CAMK4: variants seen among roughly 807,000 people sequenced by gnomAD.
CAMK4 encodes calcium/calmodulin-dependent protein kinase type IV.
Under a neutral mutation model 44.9 loss-of-function variants are expected in CAMK4, and 22 were observed. The ratio of observed to expected loss-of-function variants is 0.49; its 90% CI spans 0.35 to 0.70. The LOEUF (loss-of-function observed/expected upper bound fraction) is 0.70, where lower values mean the gene tolerates loss of function less well. Among genes scored for constraint, CAMK4 ranks in the 30% least tolerant of loss-of-function variants. CAMK4 has a pLI of 0.01. For synonymous variants in CAMK4, 218 were observed against 215.4 expected (o/e 1.01, Z -0.11); for missense variants, 498 against 586.8 (o/e 0.85, Z 1.56).
intron 1 of CAMK4, among the ~76,000 whole-genome samples, chr5:111,326,784 G>A (rs1748910222): frequency 6.6e-6 from 1 of 151,582 alleles, no homozygotes; most frequent in Non-Finnish European, 1.5e-5. Context: ...ACATTGGTAG[G>A]TATTTCTTAT....
At chr5:111,261,262 G>A (rs1749962268) in intron 1 of CAMK4, among the ~76,000 whole-genome samples, 1 of 152,152 alleles carries the variant, frequency 6.6e-6, no homozygotes, top group Non-Finnish European at 1.5e-5. Context: ...ACCCCATTAG[G>A]ATGTTGAGAG....
chr5:111,335,328 A>T (rs911503784), intron 1 of CAMK4, among the ~76,000 whole-genome samples: 1 of 151,400 alleles, frequency 6.6e-6, no homozygotes, highest in Non-Finnish European at 1.5e-5. Context: ...AAATATTAAT[A>T]TGAACCCAGA....
intron 2 of CAMK4, among the ~76,000 whole-genome samples, chr5:111,366,374 AC>A (rs1352957998): frequency 1.3e-5 from 2 of 152,112 alleles, no homozygotes; most frequent in African/African-American, 4.8e-5. Flanking sequence ...TGCACAGGTC[AC>A]CCCAGTTTTC....
At chr5:111,251,899 T>C (rs965701428) in intron 1 of CAMK4, among the ~76,000 whole-genome samples, 2 of 152,230 alleles carry the variant, frequency 1.3e-5, no homozygotes, top group African/African-American at 4.8e-5. Context: ...ACTGACTTTT[T>C]TTTTTAACCA....
At chr5:111,397,183 G>A (rs7707329) in intron 5 of CAMK4, among the ~76,000 whole-genome samples, 3,414 of 152,306 alleles carry the variant, frequency 0.022, 130 homozygotes, top group African/African-American at 0.078. Context: ...TTGGCAGTGA[G>A]ACAGAGCTAG....
chr5:111,286,850 C>A (rs942733903), intron 1 of CAMK4, among the ~76,000 whole-genome samples: 5 of 152,110 alleles, frequency 3.3e-5, no homozygotes, highest in African/African-American at 9.7e-5. Flanking sequence ...CTGAAACTAA[C>A]TTTTTGATTG....
intron 7 of CAMK4, among the ~76,000 whole-genome samples, chr5:111,460,762 T>G (rs1241323649): frequency 6.6e-6 from 1 of 152,128 alleles, no homozygotes; most frequent in Non-Finnish European, 1.5e-5. Context: ...TGATTCAGAG[T>G]TGGAGAAAAT....
chr5:111,256,757 G>A (rs1296977521), intron 1 of CAMK4, among the ~76,000 whole-genome samples: 2 of 151,968 alleles, frequency 1.3e-5, no homozygotes, highest in Non-Finnish European at 2.9e-5. Flanking sequence ...TTCTAATCTT[G>A]GCAGCAGCTT....
intron 7 of CAMK4, among the ~76,000 whole-genome samples, chr5:111,459,583 C>G (rs1162204565): frequency 6.6e-6 from 1 of 151,812 alleles, no homozygotes; most frequent in Non-Finnish European, 1.5e-5. Context: ...CAAAGTTAAC[C>G]AAATATATTT....
At chr5:111,387,687 A>G (rs1339135719) in intron 4 of CAMK4, among the ~76,000 whole-genome samples, 2 of 152,264 alleles carry the variant, frequency 1.3e-5, no homozygotes, top group African/African-American at 4.8e-5. Flanking sequence ...TCTGACGTCC[A>G]TTCACTTGGC....
chr5:111,377,025 CT>C, intron 4 of CAMK4, 83 bp downstream of exon 4: 1 of 822,692 alleles, frequency 1.2e-6, no homozygotes, highest in Non-Finnish European at 2.0e-6. Context: ...TCTCCTGAAA[CT>C]TTTTATAATG....
intron 2 of CAMK4, among the ~76,000 whole-genome samples, chr5:111,363,248 G>GA (rs1207310077): frequency 2.0e-5 from 3 of 152,018 alleles, no homozygotes; most frequent in Admixed American, 6.6e-5. Context: ...TCAATAACAT[G>GA]AAAAAATGTC....
chr5:111,396,656 T>G (rs1227045008), intron 5 of CAMK4, among the ~76,000 whole-genome samples: 1 of 141,764 alleles, frequency 7.1e-6, no homozygotes, highest in Non-Finnish European at 1.5e-5. Context: ...TTTTTTTTTT[T>G]TTGAGATGGA....
rs1755826701 is a variant in CAMK4 at position 111,491,412 on chromosome 5, G to C, written c.*6946G>C. 1 of 151,498 alleles carries C rather than the reference G, an allele frequency of 6.6e-6. No individual in the cohort carries two copies. The highest frequency in any genetic ancestry group is 2.4e-5 in the African/African-American group (1 of 41,250). The allele number at this position is 151,498 out of a possible 1,614,324, so 9.4% of individuals were successfully genotyped here. ...CTTTTTGGTGACTTGCAGGAATACA[G>C]ATTCCTATATTCCAGTTTGTTTTTT... On this transcript the variant is annotated 3_prime_UTR_variant, in exon 11 of 11. Coordinates refer to ENST00000282356, the MANE Select transcript of CAMK4 (RefSeq NM_001744.6).
chr5:111,235,309 C>T (rs1459997122), intron 1 of CAMK4, among the ~76,000 whole-genome samples: 1 of 151,912 alleles, frequency 6.6e-6, no homozygotes, highest in East Asian at 1.9e-4. Flanking sequence ...TCAAAGCTCT[C>T]CGTCAGGGCA....
intron 2 of CAMK4, among the ~76,000 whole-genome samples, chr5:111,365,791 G>A (rs931746818): frequency 6.6e-6 from 1 of 152,058 alleles, no homozygotes; most frequent in Non-Finnish European, 1.5e-5. Context: ...AGAACAAGAG[G>A]ATAAAGATAA....
rs776568862 is a variant in CAMK4 at position 111,488,718 on chromosome 5, T to G, written c.*4252T>G. The G allele has an allele frequency of 6.6e-5, 10 of 152,320 alleles. No homozygotes were observed. The highest frequency in any genetic ancestry group is 1.2e-4 in the Non-Finnish European group (8 of 68,020). 9.4% of individuals were successfully genotyped at this position (152,320 alleles called of 1,614,324 possible). Reference sequence around the variant, plus strand: ...TAAGCCATTTATTTTGTTTTAGAATTGTTTTTGCAAAGCAAATTTTTTTAA... The same window carrying G: ...TAAGCCATTTATTTTGTTTTAGAATGGTTTTTGCAAAGCAAATTTTTTTAA... On this transcript the variant is annotated 3_prime_UTR_variant, in exon 11 of 11. Transcript: ENST00000282356.
chr5:111,446,851 T>C (rs745648928), intron 6 of CAMK4, 75 bp downstream of exon 6: 2 of 838,164 alleles, frequency 2.4e-6, no homozygotes, highest in Non-Finnish European at 4.2e-6. Flanking sequence ...AATTTTTAAA[T>C]ATTGCTCCAT....
chr5:111,383,508 T>C (rs1301072654), intron 4 of CAMK4, among the ~76,000 whole-genome samples: 1 of 152,192 alleles, frequency 6.6e-6, no homozygotes, highest in South Asian at 2.1e-4. Context: ...GCAAACGTTA[T>C]GGGCATTAGC....
Sources: gnomAD v4.1 joint callset for allele counts (sites outside exome capture counted in the v4.1 genomes callset) on GRCh38, gnomAD v4.1.1 for gene constraint, MANE v1.5 for transcripts, NCBI Gene and HGNC (gene_info 2026-07-23, HGNC 2026-07-21) for gene names.